The following PACRG variants were observed in gnomAD, a reference collection of about 807,000 sequenced individuals.
The protein encoded by PACRG is parkin coregulated.
Under a neutral mutation model 29.7 loss-of-function variants are expected in PACRG, and 29 were observed. The observed-to-expected ratio is 0.98, with a 90% CI of 0.73 to 1.33. The LOEUF is 1.33. Among genes scored for constraint, PACRG ranks in the 40% most tolerant of loss-of-function variants. PACRG has a pLI of 0.00. For synonymous variants in PACRG, 116 were observed against 118.7 expected (o/e 0.98, Z 0.15); for missense variants, 279 against 316.2 (o/e 0.88, Z 0.89).
chr6:162,995,177 G>A (rs1299872492), intron 2 of PACRG, among the ~76,000 whole-genome samples: 1 of 149,536 alleles, frequency 6.7e-6, no homozygotes, highest in Non-Finnish European at 1.5e-5. Flanking sequence ...GTCTGCAGAG[G>A]TTACTGCTGT....
At chr6:163,217,618 G>C (rs1409597476) in intron 4 of PACRG, among the ~76,000 whole-genome samples, 2 of 152,198 alleles carry the variant, frequency 1.3e-5, no homozygotes, top group Admixed American at 1.3e-4. Flanking sequence ...GCAGTGGGCA[G>C]GTGAGCAAGG....
At chr6:162,999,847 A>G (rs1343660417) in intron 2 of PACRG, among the ~76,000 whole-genome samples, 1 of 152,194 alleles carries the variant, frequency 6.6e-6, no homozygotes, top group Non-Finnish European at 1.5e-5. Flanking sequence ...TGCAGTCTTT[A>G]GTGTGAAATC....
In PACRG at chr6:163,178,382, C is replaced by T. The variant is rs76845000; in HGVS notation, c.613+88974C>T. ...CTGCGTAGACTCCAACTGGCAGGGG[C>T]GGATCTTTTGTCCTTTCCTTCTCCT... is the stretch of plus-strand genomic sequence containing the variant. On this transcript the variant is annotated intron_variant, in intron 4 of 4. Transcript: ENST00000366888. Among the ~76,000 whole-genome samples the T allele has an allele frequency of 1.5e-3, 221 of 152,284 alleles. 2 individuals carry two copies. The East Asian group carries it at 0.035, about 24-fold the overall frequency.
chr6:163,022,473 C>T (rs769579862), intron 2 of PACRG, among the ~76,000 whole-genome samples: 1 of 152,160 alleles, frequency 6.6e-6, no homozygotes, highest in Non-Finnish European at 1.5e-5. Context: ...CGGAAGAGAG[C>T]AGCAGCTAGG....
At position 162,826,415 on chromosome 6, in the gene PACRG, A is replaced by G. The variant is rs150597704; in HGVS notation, c.291+12134A>G. On this transcript the variant is annotated intron_variant, in intron 2 of 4. Transcript: ENST00000366888. ...CATGTATATGCAAATATGTGTAGAC[A>G]TTTTGTTCCTATTTCAGTACTGGAG... 4.1e-4 allele frequency among the ~76,000 whole-genome samples: 61 copies of G among 149,930 alleles called. No homozygotes were observed. In the East Asian group the frequency reaches 0.012, roughly 28 times the overall value.
chr6:163,272,333 G>A (rs531678949), intron 4 of PACRG, among the ~76,000 whole-genome samples: 5 of 152,174 alleles, frequency 3.3e-5, no homozygotes, highest in South Asian at 2.1e-4. Flanking sequence ...CACCGCGCCC[G>A]GCCTGTGTAT....
At chr6:163,311,784 C>T (rs1194785597) in intron 4 of PACRG, among the ~76,000 whole-genome samples, 2 of 150,316 alleles carry the variant, frequency 1.3e-5, no homozygotes, top group Non-Finnish European at 3.0e-5. Flanking sequence ...ACAAAAAAAG[C>T]TACATAGTTT....
At chr6:163,194,703 T>G (rs1780368366) in intron 4 of PACRG, among the ~76,000 whole-genome samples, 1 of 152,196 alleles carries the variant, frequency 6.6e-6, no homozygotes, top group African/African-American at 2.4e-5. Flanking sequence ...ATAGCCTATT[T>G]GTGAAGGCAT....
At chr6:162,915,641 T>A (rs1436066464) in intron 2 of PACRG, among the ~76,000 whole-genome samples, 1 of 152,168 alleles carries the variant, frequency 6.6e-6, no homozygotes, top group Non-Finnish European at 1.5e-5. Context: ...TTAGGATTAT[T>A]TGAATATGTT....
At chr6:162,805,120 C>A (rs754022846) in intron 1 of PACRG, among the ~76,000 whole-genome samples, 4 of 152,138 alleles carry the variant, frequency 2.6e-5, no homozygotes, top group Non-Finnish European at 4.4e-5. Flanking sequence ...TCTGGGACTA[C>A]AATGGTATAT....
At chr6:162,859,811 C>T (rs1355579358) in intron 2 of PACRG, among the ~76,000 whole-genome samples, 1 of 152,094 alleles carries the variant, frequency 6.6e-6, no homozygotes, top group Non-Finnish European at 1.5e-5. Flanking sequence ...TTCCTGGAAC[C>T]TATGCAAAAA....
intron 2 of PACRG, among the ~76,000 whole-genome samples, chr6:162,881,192 C>T (rs867898365): frequency 5.3e-5 from 8 of 152,132 alleles, no homozygotes; most frequent in Non-Finnish European, 8.8e-5. Flanking sequence ...AAACTTTAAA[C>T]GACCTGGCAG....
chr6:162,789,509 A>G (rs1784770392), intron 1 of PACRG, among the ~76,000 whole-genome samples: 1 of 152,204 alleles, frequency 6.6e-6, no homozygotes, highest in Non-Finnish European at 1.5e-5. Context: ...CAATCATGTT[A>G]ACTTTCAAAG....
At chr6:162,812,720 T>C (rs1786987609) in intron 1 of PACRG, among the ~76,000 whole-genome samples, 1 of 152,156 alleles carries the variant, frequency 6.6e-6, no homozygotes, top group African/African-American at 2.4e-5. Flanking sequence ...CTGTTCTTTT[T>C]ATGTAGCCTC....
intron 2 of PACRG, among the ~76,000 whole-genome samples, chr6:162,973,182 C>T (rs1230728811): frequency 1.3e-5 from 2 of 152,164 alleles, no homozygotes; most frequent in Non-Finnish European, 2.9e-5. Context: ...CAGCATAAGT[C>T]CAACATCAGT....
chr6:163,027,548 T>C (rs1021981120), intron 2 of PACRG, among the ~76,000 whole-genome samples: 5 of 152,124 alleles, frequency 3.3e-5, no homozygotes, highest in South Asian at 2.1e-4. Context: ...CTCACATGAA[T>C]AGAAAAAAAT....
At chr6:163,018,250 C>T (rs1806286737) in intron 2 of PACRG, among the ~76,000 whole-genome samples, 1 of 152,298 alleles carries the variant, frequency 6.6e-6, no homozygotes, top group Non-Finnish European at 1.5e-5. Flanking sequence ...ACTACTGTAG[C>T]TACACTACCA....
intron 2 of PACRG, among the ~76,000 whole-genome samples, chr6:162,900,685 C>T (rs1278485879): frequency 6.6e-6 from 1 of 152,192 alleles, no homozygotes; most frequent in Non-Finnish European, 1.5e-5. Flanking sequence ...AACACACCGG[C>T]TTCCCCGCCA....
chr6:162,777,420 CG>C lies in PACRG; in HGVS notation c.157-36725del, dbSNP rs1231701760. Among the ~76,000 whole-genome samples, 15 of 152,146 alleles carry C rather than the reference CG, an allele frequency of 9.9e-5. No individual in the cohort carries two copies. Among genetic ancestry groups the C allele is most frequent in the African/African-American group, 3.1e-4 (13 of 41,410 alleles). On this transcript the variant is annotated intron_variant, in intron 1 of 4. Coordinates refer to ENST00000366888, the MANE Select transcript of PACRG (RefSeq NM_001080379.2). The surrounding 1 kb of genome is among the most constrained non-coding windows in gnomAD (Gnocchi z 4.0). ...ACTGCCATTTCCAACATTTTCATTC[CG>C]GATTTCAGAATTCCCATCACACCAT...
Sources: gnomAD v4.1 joint callset for allele counts (sites outside exome capture counted in the v4.1 genomes callset) on GRCh38, gnomAD v4.1.1 for gene constraint, Gnocchi (gnomAD v3.1) non-coding constraint, MANE v1.5 for transcripts, NCBI Gene and HGNC (gene_info 2026-07-23, HGNC 2026-07-21) for gene names.